SYT9: variants seen among roughly 807,000 people sequenced by gnomAD.
SYT9 encodes synaptotagmin-9.
SYT9 carries 22 observed loss-of-function variants against 48.4 expected under a neutral mutation model. The ratio of observed to expected loss-of-function variants is 0.45; its 90% CI spans 0.32 to 0.65. The LOEUF (loss-of-function observed/expected upper bound fraction) is 0.65. SYT9 is among the 30% of genes least tolerant of loss of function. SYT9 has a pLI of 0.03. For synonymous variants in SYT9, 265 were observed against 245.0 expected (o/e 1.08, Z -0.76); for missense variants, 577 against 622.0 (o/e 0.93, Z 0.77).
At chr11:7,254,729 A>G (rs1033419999) in intron 1 of SYT9, among the ~76,000 whole-genome samples, 3 of 152,160 alleles carry the variant, frequency 2.0e-5, no homozygotes, top group Non-Finnish European at 2.9e-5. Flanking sequence ...TTGTCCATTC[A>G]CGGCCACCCT....
In SYT9 at chr11:7,313,745, C is replaced by G; in HGVS notation, c.848C>G (p.Pro283Arg). The G allele has an allele frequency of 6.2e-7, 1 of 1,614,138 alleles. No homozygotes were observed. The highest frequency in any genetic ancestry group is 8.5e-7 in the Non-Finnish European group (1 of 1,180,018). The change falls in exon 3 of 7, where the codon CCT becomes CGT. Residue 283 changes from proline (P) to arginine (R), a missense_variant. Transcript: ENST00000318881. ...QTKVHRKTLN[P>R]VFDEVFLFPV... Reference sequence around the variant, plus strand: ...AAAGTTCACAGAAAGACCCTGAACCCTGTGTTTGATGAAGTGTTTTTATTT... The same window carrying G: ...AAAGTTCACAGAAAGACCCTGAACCGTGTGTTTGATGAAGTGTTTTTATTT...
chr11:7,458,466 A>G (rs1335292638), intron 6 of SYT9, among the ~76,000 whole-genome samples: 1 of 150,836 alleles, frequency 6.6e-6, no homozygotes, highest in Non-Finnish European at 1.5e-5. Context: ...GGGCAACAAG[A>G]GTGAGACTCC....
intron 1 of SYT9, among the ~76,000 whole-genome samples, chr11:7,289,996 A>G (rs1848669556): frequency 6.6e-6 from 1 of 152,222 alleles, no homozygotes; most frequent in Non-Finnish European, 1.5e-5. Context: ...CCAAATACTA[A>G]TAGTCGAAAC....
chr11:7,414,998 T>C (rs1847211772), intron 3 of SYT9, among the ~76,000 whole-genome samples: 1 of 152,172 alleles, frequency 6.6e-6, no homozygotes, highest in East Asian at 1.9e-4. Flanking sequence ...TTTTTTTCCC[T>C]CCTTTCTGGT....
Position 7,365,182 on chromosome 11 carries a change from GA to G in SYT9, c.1045-50850del, listed in dbSNP as rs543555062. Among the ~76,000 whole-genome samples the G allele has an allele frequency of 5.8e-4, 86 of 147,280 alleles. 1 individual carries two copies. Among genetic ancestry groups the G allele is most frequent in the Admixed American group, 1.1e-3 (16 of 14,732 alleles). On this transcript the variant is annotated intron_variant, in intron 3 of 6. Coordinates refer to ENST00000318881, the MANE Select transcript of SYT9 (RefSeq NM_175733.4). Reference sequence around the variant, plus strand: ...AAGCATTTTTGTCTTCATGATTGTGGAAAAAAAAAAGCGATGAAATTACTAA... The same window carrying G: ...AAGCATTTTTGTCTTCATGATTGTGGAAAAAAAAAGCGATGAAATTACTAA...
At chr11:7,421,287 GGCT>G (rs1411564560) in intron 6 of SYT9, among the ~76,000 whole-genome samples, 1 of 151,690 alleles carries the variant, frequency 6.6e-6, no homozygotes, top group African/African-American at 2.4e-5. Context: ...TATACAATAT[GGCT>G]GCTAAGCTCC....
chr11:7,334,422 G>T (rs1235659033), intron 3 of SYT9, among the ~76,000 whole-genome samples: 1 of 152,146 alleles, frequency 6.6e-6, no homozygotes, highest in Non-Finnish European at 1.5e-5. Flanking sequence ...TAATAGACAT[G>T]GAGAAAAGTA....
intron 2 of SYT9, among the ~76,000 whole-genome samples, chr11:7,310,177 A>C (rs74053707): frequency 0.055 from 8,324 of 152,238 alleles, 479 homozygotes; most frequent in African/African-American, 0.14. Context: ...TCTGTTGCCC[A>C]GACTGGAGTG....
chr11:7,374,110 C>T (rs1482179948), intron 3 of SYT9, among the ~76,000 whole-genome samples: 3 of 152,042 alleles, frequency 2.0e-5, no homozygotes, highest in Non-Finnish European at 4.4e-5. Flanking sequence ...TGTGATGTTC[C>T]CCTCCCTGTG....
chr11:7,287,049 G>A lies in SYT9; in HGVS notation c.146-15990G>A, dbSNP rs138800742. 2.6e-3 allele frequency among the ~76,000 whole-genome samples: 402 copies of A among 152,218 alleles called. 2 individuals carry two copies. Among genetic ancestry groups the A allele is most frequent in the African/African-American group, 9.2e-3 (382 of 41,522 alleles). On this transcript the variant is annotated intron_variant, in intron 1 of 6. Transcript: ENST00000318881. ...TCACTCTCTGCGGTACCAATTTACC[G>A]TGATAGTCCATTCTCATGCTGCCAT...
intron 1 of SYT9, among the ~76,000 whole-genome samples, chr11:7,282,953 G>GGA (rs1554900181): frequency 1.4e-5 from 2 of 141,144 alleles, no homozygotes; most frequent in Non-Finnish European, 1.5e-5. Flanking sequence ...CATTACCAAA[G>GGA]GAGAGAGAGA....
intron 3 of SYT9, among the ~76,000 whole-genome samples, chr11:7,391,436 A>G (rs532555042): frequency 1.8e-4 from 27 of 152,144 alleles, no homozygotes; most frequent in Non-Finnish European, 3.7e-4. Context: ...GTGTATAAGC[A>G]TTCCCTTTTC....
intron 1 of SYT9, among the ~76,000 whole-genome samples, chr11:7,265,869 C>G (rs542894609): frequency 6.6e-6 from 1 of 152,012 alleles, no homozygotes; most frequent in South Asian, 2.1e-4. Flanking sequence ...TTAGGATAAC[C>G]ATACGGTACA....
Position 7,468,003 on chromosome 11 carries a change from C to T in SYT9, c.*1203C>T, listed in dbSNP as rs369039561. On this transcript the variant is annotated 3_prime_UTR_variant, in exon 7 of 7. Transcript: ENST00000318881. ...CTCATCCTCATTGCTTCTGCCTCCA[C>T]GTAAATGAAACCAAAGGCCTCAGCA... 37 of 339,582 alleles carry T rather than the reference C, an allele frequency of 1.1e-4. No individual in the cohort carries two copies. The highest frequency in any genetic ancestry group is 4.8e-4 in the Admixed American group (10 of 20,724). 21.0% of individuals were successfully genotyped at this position (339,582 alleles called of 1,614,324 possible). A position where few individuals can be genotyped will look rare whatever the true frequency, so the allele number is the denominator to read the frequency against.
At chr11:7,293,423 A>T (rs924715107) in intron 1 of SYT9, among the ~76,000 whole-genome samples, 1 of 152,200 alleles carries the variant, frequency 6.6e-6, no homozygotes, top group Non-Finnish European at 1.5e-5. Context: ...ACCCAAGTTA[A>T]TGCTCCTTAA....
intron 6 of SYT9, chr11:7,465,966 A>C (rs1258967246): frequency 1.3e-5 from 2 of 152,560 alleles, no homozygotes; most frequent in African/African-American, 4.8e-5. Context: ...CCTTCCCACA[A>C]CACGTGGGAA....
intron 3 of SYT9, among the ~76,000 whole-genome samples, chr11:7,318,512 C>T (rs1589941597): frequency 1.3e-5 from 2 of 152,108 alleles, no homozygotes; most frequent in East Asian, 3.9e-4. Context: ...CGGGGTTTCA[C>T]CATGTTGGCC....
intron 3 of SYT9, among the ~76,000 whole-genome samples, chr11:7,324,763 G>T (rs969581922): frequency 6.6e-6 from 1 of 151,754 alleles, no homozygotes; most frequent in Non-Finnish European, 1.5e-5. Flanking sequence ...GTATTTTATA[G>T]ATTATTTGAT....
At chr11:7,383,737 G>A (rs999065313) in intron 3 of SYT9, among the ~76,000 whole-genome samples, 32 of 152,136 alleles carry the variant, frequency 2.1e-4, no homozygotes, top group African/African-American at 7.5e-4. Context: ...AGGAGAATGC[G>A]AACAGAAAAT....
Sources: gnomAD v4.1 joint callset for allele counts (sites outside exome capture counted in the v4.1 genomes callset) on GRCh38, gnomAD v4.1.1 for gene constraint, MANE v1.5 for transcripts, NCBI Gene and HGNC (gene_info 2026-07-23, HGNC 2026-07-21) for gene names.